The following TTC28 variants were observed in gnomAD, a reference collection of about 807,000 sequenced individuals.
TTC28 encodes the protein tetratricopeptide repeat domain 28.
TTC28 carries 61 observed loss-of-function variants against 198.0 expected under a neutral mutation model. That is an observed-to-expected ratio of 0.31 (90% CI 0.25 to 0.38). The LOEUF (loss-of-function observed/expected upper bound fraction) is 0.38, where lower values mean the gene tolerates loss of function less well. TTC28 is among the 10% of genes least tolerant of loss of function. The pLI is 1.00. For missense variants in TTC28, 2,678 were observed against 3,164.0 expected (o/e 0.85, Z 3.69); for synonymous variants, 1,171 against 1,297.8 (o/e 0.90, Z 2.10).
At chr22:28,069,322 A>T (rs1394294505) in intron 12 of TTC28, among the ~76,000 whole-genome samples, 2 of 152,188 alleles carry the variant, frequency 1.3e-5, no homozygotes, top group East Asian at 3.9e-4. Flanking sequence ...ACTTTGTGCT[A>T]TGTAAAACAG....
intron 5 of TTC28, among the ~76,000 whole-genome samples, chr22:28,277,079 T>A (rs1166348651): frequency 6.6e-6 from 1 of 151,950 alleles, no homozygotes; most frequent in African/African-American, 2.4e-5. Flanking sequence ...ACTAAAATAA[T>A]AAAAAAAATT....
intron 2 of TTC28, among the ~76,000 whole-genome samples, chr22:28,536,600 G>A (rs1317274693): frequency 6.6e-6 from 1 of 152,138 alleles, no homozygotes; most frequent in Non-Finnish European, 1.5e-5. Context: ...CTCCAGCCTG[G>A]GCGACAGAGC....
At chr22:28,634,462 G>A (rs879870105) in intron 1 of TTC28, among the ~76,000 whole-genome samples, 9 of 132,200 alleles carry the variant, frequency 6.8e-5, no homozygotes, top group Non-Finnish European at 1.2e-4. Context: ...GCGAAAGATC[G>A]CCCCACTGCA....
chr22:28,528,051 C>G (rs1174800032), intron 2 of TTC28, among the ~76,000 whole-genome samples: 2 of 152,172 alleles, frequency 1.3e-5, no homozygotes, highest in Non-Finnish European at 2.9e-5. Context: ...TTATCTAATC[C>G]TAATTACAAC....
chr22:28,261,977 A>G (rs1488209420), intron 5 of TTC28, among the ~76,000 whole-genome samples: 2 of 152,160 alleles, frequency 1.3e-5, no homozygotes, highest in East Asian at 1.9e-4. Flanking sequence ...CATTTAATAG[A>G]AGACTCCTAA....
intron 2 of TTC28, among the ~76,000 whole-genome samples, chr22:28,564,295 ATTAT>A (rs922969450): frequency 2.0e-5 from 3 of 152,168 alleles, no homozygotes; most frequent in Non-Finnish European, 2.9e-5. Context: ...TTTTACTTCA[ATTAT>A]TTAAGTGTAA....
At chr22:28,086,239 C>A (rs1026559219) in intron 12 of TTC28, among the ~76,000 whole-genome samples, 6 of 152,100 alleles carry the variant, frequency 3.9e-5, no homozygotes, top group Non-Finnish European at 7.4e-5. Flanking sequence ...CACACCTATT[C>A]CAAAATTGAC....
chr22:28,060,271 C>T (rs752858641), intron 12 of TTC28, among the ~76,000 whole-genome samples: 1 of 152,102 alleles, frequency 6.6e-6, no homozygotes, highest in Non-Finnish European at 1.5e-5. Flanking sequence ...CGACAGGCTC[C>T]GGTGTGTGAT....
chr22:28,064,839 G>C (rs1376577395), intron 12 of TTC28, among the ~76,000 whole-genome samples: 1 of 152,192 alleles, frequency 6.6e-6, no homozygotes, highest in African/African-American at 2.4e-5. Context: ...CAACTCCAGG[G>C]AGGAAAATTA....
At chr22:28,346,692 C>T (rs1392298917) in intron 2 of TTC28, among the ~76,000 whole-genome samples, 1 of 152,142 alleles carries the variant, frequency 6.6e-6, no homozygotes, top group East Asian at 1.9e-4. Flanking sequence ...GATCTCCAAT[C>T]TCTGTAACGC....
chr22:28,440,080 C>T (rs1329173320), intron 2 of TTC28, among the ~76,000 whole-genome samples: 1 of 152,260 alleles, frequency 6.6e-6, no homozygotes, highest in Non-Finnish European at 1.5e-5. Context: ...AGGTCATCCG[C>T]TCGCCTCGGC....
intron 6 of TTC28, among the ~76,000 whole-genome samples, chr22:28,143,011 G>T (rs135642): frequency 2.0e-5 from 3 of 152,080 alleles, no homozygotes; most frequent in Admixed American, 2.0e-4. Context: ...GATAGTGGTC[G>T]CATTTTCTGT....
intron 5 of TTC28, among the ~76,000 whole-genome samples, chr22:28,180,253 GTT>G (rs927916237): frequency 2.6e-5 from 4 of 152,060 alleles, no homozygotes; most frequent in African/African-American, 7.2e-5. Flanking sequence ...TATATAAAAG[GTT>G]AAATAATGTT....
intron 12 of TTC28, among the ~76,000 whole-genome samples, chr22:28,032,791 G>A (rs1248764002): frequency 2.0e-5 from 3 of 152,060 alleles, no homozygotes; most frequent in Non-Finnish European, 4.4e-5. Context: ...CTTCTCTCCT[G>A]GGGTTTGACT....
chr22:28,021,736 G>A (rs752524755), intron 13 of TTC28, among the ~76,000 whole-genome samples: 51 of 152,134 alleles, frequency 3.4e-4, no homozygotes, highest in Non-Finnish European at 5.9e-4. Context: ...CCTGTGTCCC[G>A]CCCTCCTGCT....
rs1315391710 is a variant in TTC28, at chr22:28,355,049, A to T, written c.382-48406T>A. 3.4e-5 allele frequency among the ~76,000 whole-genome samples: 5 copies of T among 147,320 alleles called. No individual in the cohort carries two copies. The Admixed American group carries it at 3.5e-4, about 10-fold the overall frequency. On this transcript the variant is annotated intron_variant, in intron 2 of 22. Coordinates refer to ENST00000397906, the MANE Select transcript of TTC28 (RefSeq NM_001145418.2). ...CACAGGATCTCTAAATAATCTCAAA[A>T]TAATAGGCAGTTGAAGAAAATAATC...
At chr22:28,113,861 T>C (rs1225661608) in intron 6 of TTC28, among the ~76,000 whole-genome samples, 1 of 152,234 alleles carries the variant, frequency 6.6e-6, no homozygotes, top group East Asian at 1.9e-4. Context: ...AACAAAGGTA[T>C]ACATAAAACT....
At chr22:28,310,135 A>AAC (rs751276999) in intron 2 of TTC28, among the ~76,000 whole-genome samples, 11 of 73,278 alleles carry the variant, frequency 1.5e-4, no homozygotes, top group Non-Finnish European at 3.3e-4. Context: ...TGTGACACAT[A>AAC]ACACACACAC....
chr22:27,994,969 G>A (rs762132146), intron 17 of TTC28, among the ~76,000 whole-genome samples: 10 of 152,160 alleles, frequency 6.6e-5, no homozygotes, highest in South Asian at 4.1e-4. Flanking sequence ...TGGCCTCCTC[G>A]AGCCAACTGG....
Sources: allele counts gnomAD v4.1 joint callset (sites outside exome capture counted in the v4.1 genomes callset), GRCh38; gene constraint gnomAD v4.1.1; transcripts MANE v1.5; gene names NCBI Gene and HGNC (gene_info 2026-07-23, HGNC 2026-07-21).